The following ARHGAP29 variants were observed in gnomAD, a reference collection of about 807,000 sequenced individuals.
ARHGAP29 encodes the protein Rho GTPase activating protein 29, also known as rho GTPase-activating protein 29.
In ARHGAP29, 43 loss-of-function variants were observed where a neutral mutation model predicts 122.6. The observed-to-expected ratio is 0.35, with a 90% CI of 0.27 to 0.45. The LOEUF is 0.45. Among genes scored for constraint, ARHGAP29 ranks in the 20% least tolerant of loss-of-function variants. The pLI, the probability that ARHGAP29 is intolerant of heterozygous loss-of-function variation, is 1.00. For synonymous variants in ARHGAP29, 506 were observed against 497.1 expected (o/e 1.02, Z -0.24); for missense variants, 1,303 against 1,477.2 (o/e 0.88, Z 1.93).
chr1:94,294,763 A>G, the ARHGAP29 span, among the ~76,000 whole-genome samples: 1 of 152,228 alleles, frequency 6.6e-6, no homozygotes, highest in Admixed American at 6.5e-5. Context: ...AGGAGGGAAA[A>G]GCATGGAACC....
chr1:94,279,959 T>C (rs547157674), upstream of ARHGAP29, among the ~76,000 whole-genome samples: 18 of 152,144 alleles, frequency 1.2e-4, no homozygotes, highest in African/African-American at 4.3e-4. Context: ...AAGTTGTTTG[T>C]TCTTTTAGTT....
At chr1:94,237,995 T>G (rs975987905), upstream of ARHGAP29, among the ~76,000 whole-genome samples, 3 of 151,032 alleles carry the variant, frequency 2.0e-5, no homozygotes, top group African/African-American at 7.3e-5. Flanking sequence ...AAACCAGCCA[T>G]CTACTCTGCC....
intron 1 of ARHGAP29, among the ~76,000 whole-genome samples, chr1:94,252,533 G>T (rs1052192601): frequency 6.6e-6 from 1 of 152,164 alleles, no homozygotes; most frequent in Non-Finnish European, 1.5e-5. Context: ...CTGACATTCA[G>T]GGGCAGGTTA....
At chr1:94,258,794 G>A (rs1654456600) in intron 1 of ARHGAP29, among the ~76,000 whole-genome samples, 1 of 152,194 alleles carries the variant, frequency 6.6e-6, no homozygotes, top group South Asian at 2.1e-4. Flanking sequence ...CGAGGAAATT[G>A]AGACTTAAAG....
At chr1:94,219,102 G>A (rs1652123991) in intron 3 of ARHGAP29, among the ~76,000 whole-genome samples, 1 of 152,054 alleles carries the variant, frequency 6.6e-6, no homozygotes, top group East Asian at 1.9e-4. Flanking sequence ...TGGTGCCTAG[G>A]CGTACTTCTA....
intron 2 of ARHGAP29, among the ~76,000 whole-genome samples, chr1:94,225,219 T>TA (rs1652546681): frequency 6.6e-6 from 1 of 152,098 alleles, no homozygotes; most frequent in Non-Finnish European, 1.5e-5. Context: ...CTTGATGCAG[T>TA]AAAAAACAAT....
the ARHGAP29 span, among the ~76,000 whole-genome samples, chr1:94,291,824 G>A: frequency 6.6e-6 from 1 of 152,228 alleles, no homozygotes; most frequent in South Asian, 2.1e-4. Flanking sequence ...GAGATCCACT[G>A]TTAGTCTGAT....
chr1:94,200,011 T>C (rs956088987), intron 12 of ARHGAP29, among the ~76,000 whole-genome samples: 3 of 152,190 alleles, frequency 2.0e-5, no homozygotes, highest in Non-Finnish European at 2.9e-5. Flanking sequence ...ATCATATATC[T>C]ATATGTAAAA....
chr1:94,305,600 T>G, the ARHGAP29 span, among the ~76,000 whole-genome samples: 1 of 152,322 alleles, frequency 6.6e-6, no homozygotes, highest in Middle Eastern at 3.4e-3. Context: ...GCTTTTGTAA[T>G]GGACCTGATG....
chr1:94,228,028 G>A (rs571450023), intron 2 of ARHGAP29, among the ~76,000 whole-genome samples: 4 of 151,720 alleles, frequency 2.6e-5, no homozygotes, highest in Admixed American at 6.6e-5. Flanking sequence ...GTAGTGGAAA[G>A]AGAATTACCA....
chr1:94,305,860 G>C, the ARHGAP29 span, among the ~76,000 whole-genome samples: 1 of 152,300 alleles, frequency 6.6e-6, no homozygotes, highest in Non-Finnish European at 1.5e-5. Flanking sequence ...ATAAGTTGTG[G>C]TTAATCATAC....
At chr1:94,312,377 G>A in the ARHGAP29 span, among the ~76,000 whole-genome samples, 8,347 of 108,744 alleles carry the variant, frequency 0.077, 880 homozygotes, top group African/African-American at 0.25. Flanking sequence ...TTTTTTTTGA[G>A]TGGTTTTAGG....
the ARHGAP29 span, among the ~76,000 whole-genome samples, chr1:94,280,392 C>T: frequency 6.6e-6 from 1 of 152,174 alleles, no homozygotes; most frequent in African/African-American, 2.4e-5. Flanking sequence ...CCTCCAACAG[C>T]TCCTCTTCAG....
In ARHGAP29 at chr1:94,257,979, G is replaced by GAAGCCC. The variant is rs570100665; in HGVS notation, c.-33+17027_-33+17032dup. 1.1e-4 allele frequency among the ~76,000 whole-genome samples: 17 copies of GAAGCCC among 152,294 alleles called. No homozygotes were observed. In the South Asian group the frequency reaches 3.3e-3, roughly 30 times the overall value. On this transcript the variant is annotated intron_variant and NMD_transcript_variant, in intron 1 of 25. Transcript: ENST00000552844. ...TTCTTAGAGAAGGAAGATGATGATA[G>GAAGCCC]AAGCCCCGATCAGGGATGTTGGATT...
At chr1:94,234,571 T>A (rs1009354331) in intron 1 of ARHGAP29, among the ~76,000 whole-genome samples, 13 of 152,216 alleles carry the variant, frequency 8.5e-5, no homozygotes, top group Non-Finnish European at 8.8e-5. Flanking sequence ...TTTCTGAGAA[T>A]CTAACTTCTA....
chr1:94,223,655 T>C (rs1021812359), intron 2 of ARHGAP29, among the ~76,000 whole-genome samples: 1 of 152,076 alleles, frequency 6.6e-6, no homozygotes, highest in African/African-American at 2.4e-5. Context: ...AAAACCTCAA[T>C]TACTTTTGCA....
intron 12 of ARHGAP29, among the ~76,000 whole-genome samples, chr1:94,196,407 G>A (rs889932777): frequency 6.0e-5 from 9 of 150,298 alleles, no homozygotes; most frequent in African/African-American, 2.2e-4. Flanking sequence ...GACTACAGGC[G>A]CCCGCTACCA....
chr1:94,177,894 GTC>G lies in ARHGAP29; in HGVS notation c.2752_2753del (p.Asp918HisfsTer2). On this transcript the variant is annotated frameshift_variant, in exon 21 of 23. Coordinates refer to ENST00000260526, the MANE Select transcript of ARHGAP29 (RefSeq NM_004815.4). LOFTEE classifies it high-confidence loss of function. ...ATAGTGACTTCATGGAACGTTCAAT[GTC>G]TCTTTCTTCTGGTGATAACAGAGGC... ...PKPLLSPEERDIERSMKSLFF... is the reference protein window; with the variant it reads ...PKPLLSPEERXIERSMKSLFF... The G allele has an allele frequency of 4.3e-6, 7 of 1,613,874 alleles. No individual in the cohort carries two copies. Among genetic ancestry groups the G allele is most frequent in the Non-Finnish European group, 5.9e-6 (7 of 1,179,988 alleles).
chr1:94,194,544 G>C (rs1650324683), intron 12 of ARHGAP29: 1 of 151,850 alleles, frequency 6.6e-6, no homozygotes, highest in African/African-American at 2.4e-5. Flanking sequence ...TCAGGGTCTG[G>C]TGTGGGCCCC....
Sources: allele counts gnomAD v4.1 joint callset (sites outside exome capture counted in the v4.1 genomes callset), GRCh38; gene constraint gnomAD v4.1.1; transcripts MANE v1.5; gene names NCBI Gene and HGNC (gene_info 2026-07-23, HGNC 2026-07-21).